Variants in APAF1 observed in about 807,000 individuals in gnomAD.
The protein encoded by APAF1 is apoptotic peptidase activating factor 1, also known as apoptotic protease-activating factor 1.
In APAF1, 91 loss-of-function variants were observed where a neutral mutation model predicts 152.4. The observed-to-expected ratio is 0.60, with a 90% CI of 0.50 to 0.71. The LOEUF (loss-of-function observed/expected upper bound fraction) is 0.71, where lower values mean the gene tolerates loss of function less well. Ranked by LOEUF, APAF1 falls within the 30% of genes least tolerant of loss-of-function variation. The probability of loss-of-function intolerance (pLI) is 0.00; values close to 1 mark genes in which losing one functional copy is unlikely to be tolerated. For synonymous variants in APAF1, 484 were observed against 494.1 expected (o/e 0.98, Z 0.27); for missense variants, 1,283 against 1,472.0 (o/e 0.87, Z 2.10).
intron 12 of APAF1, among the ~76,000 whole-genome samples, chr12:98,675,279 T>C (rs1159829158): frequency 2.6e-5 from 4 of 152,192 alleles, no homozygotes; most frequent in Non-Finnish European, 4.4e-5. Flanking sequence ...TCTAGTACTT[T>C]TGGGCCATCT....
intron 18 of APAF1, among the ~76,000 whole-genome samples, chr12:98,704,750 G>A (rs959930554): frequency 6.6e-6 from 1 of 152,064 alleles, no homozygotes; most frequent in Admixed American, 6.6e-5. Flanking sequence ...GTTTTGTTGG[G>A]CAGAGACTTT....
At chr12:98,699,096 T>C (rs1332200445) in intron 16 of APAF1, among the ~76,000 whole-genome samples, 1 of 152,236 alleles carries the variant, frequency 6.6e-6, no homozygotes, top group East Asian at 1.9e-4. Flanking sequence ...CTCTTCATCT[T>C]ACCACCTTTC....
At chr12:98,683,022 C>G (rs1003790484) in intron 14 of APAF1, 121 bp from the exon 15 acceptor site, 2 of 794,282 alleles carry the variant, frequency 2.5e-6, no homozygotes, top group African/African-American at 1.7e-5. Flanking sequence ...TCTTGTCCAA[C>G]TAGGAAAATC....
intron 16 of APAF1, among the ~76,000 whole-genome samples, chr12:98,689,358 T>A (rs996648728): frequency 2.0e-5 from 3 of 152,164 alleles, no homozygotes; most frequent in African/African-American, 7.2e-5. Flanking sequence ...TTTCTTAGGA[T>A]GTTTTTTGCC....
chr12:98,723,398 C>T, intron 23 of APAF1, 86 bp downstream of exon 23: 2 of 1,431,136 alleles, frequency 1.4e-6, no homozygotes, highest in African/African-American at 1.4e-5. Flanking sequence ...CACTGTGAGG[C>T]TAATTACTTA....
chr12:98,732,455 C>A lies in APAF1; in HGVS notation c.3636C>A (p.Thr1212=). 6.2e-7 allele frequency: 1 copy of A among 1,612,880 alleles called. No homozygotes were observed. Among genetic ancestry groups the A allele is most frequent in the South Asian group, 1.1e-5 (1 of 91,056 alleles). Residue 1212 remains threonine, a synonymous_variant, in exon 27 of 27, where the codon ACC becomes ACA. Transcript: ENST00000551964. ...TTGTCACTGGGGAATCCTCACAGAC[C>A]TTCTACACAAATGGAACCAATCTTA... ...WNVVTGESSQ[T]FYTNGTNLKK...
Position 98,665,698 on chromosome 12 carries a change from C to T in APAF1, c.1101C>T (p.Ala367=). Residue 367 remains alanine, a synonymous_variant, in exon 8 of 27, where the codon GCC becomes GCT. Coordinates refer to ENST00000551964, the MANE Select transcript of APAF1 (RefSeq NM_181861.2). ...ATGATTATGAGGCTCTAGATGAAGC[C>T]ATGTCTATAAGTGTTGAAATGCTCA... ...SSYDYEALDE[A]MSISVEMLRE... 6.2e-7 allele frequency: 1 copy of T among 1,613,886 alleles called. No individual in the cohort carries two copies. Among genetic ancestry groups the T allele is most frequent in the Non-Finnish European group, 8.5e-7 (1 of 1,179,906 alleles).
intron 16 of APAF1, 95 bp from the exon 17 acceptor site, chr12:98,699,313 G>A (rs2097712813): frequency 8.1e-7 from 1 of 1,237,322 alleles, no homozygotes; most frequent in Non-Finnish European, 1.1e-6. Context: ...CAAGTGAAGT[G>A]AATAAGTTTA....
intron 4 of APAF1, among the ~76,000 whole-genome samples, chr12:98,650,328 CA>C (rs1026036548): frequency 2.0e-5 from 3 of 151,282 alleles, no homozygotes; most frequent in African/African-American, 7.3e-5. Context: ...ACCAAAAATA[CA>C]AAAAAAATCA....
rs77127123 is a variant in APAF1, at chr12:98,715,542, C to G, written c.3074C>G (p.Ala1025Gly). 1 of 1,613,462 alleles carries G rather than the reference C, an allele frequency of 6.2e-7. No individual in the cohort carries two copies. Among genetic ancestry groups the G allele is most frequent in the Middle Eastern group, 1.7e-4 (1 of 6,060 alleles). ...EKTLISSSDD[A>G]EIQVWNWQLD... ...ACTCTTATTTCAAGTTCTGATGATG[C>G]TGAAATTCAGGTGAGAGGGAGGATG... Residue 1025 changes from alanine to glycine, a missense_variant, in exon 22 of 27, where the codon GCT becomes GGT. Physicochemically the swap from Ala to Gly is moderately conservative, Grantham distance 60. Transcript: ENST00000551964.
intron 22 of APAF1, 21 bp from the exon 23 acceptor site, chr12:98,723,172 A>T: frequency 4.3e-6 from 7 of 1,611,718 alleles, no homozygotes; most frequent in Non-Finnish European, 5.1e-6. Flanking sequence ...ATTATAACAG[A>T]CTTATTTCTT....
chr12:98,687,971 C>T (rs2097699787), intron 16 of APAF1, among the ~76,000 whole-genome samples: 1 of 152,122 alleles, frequency 6.6e-6, no homozygotes, highest in Admixed American at 6.5e-5. Flanking sequence ...GCCACCAAGC[C>T]TGGCTAATTT....
chr12:98,681,213 C>A (rs965007937), intron 14 of APAF1, among the ~76,000 whole-genome samples: 3 of 152,002 alleles, frequency 2.0e-5, no homozygotes, highest in African/African-American at 7.3e-5. Context: ...AGGTGTGCAC[C>A]ACCATGCCCA....
intron 1 of APAF1, among the ~76,000 whole-genome samples, chr12:98,647,244 C>T (rs1225887583): frequency 2.7e-5 from 4 of 146,950 alleles, no homozygotes; most frequent in Admixed American, 2.0e-4. Flanking sequence ...GGTGAAACCC[C>T]GTCTGTACTA....
intron 16 of APAF1, among the ~76,000 whole-genome samples, chr12:98,691,703 A>G (rs1354739358): frequency 6.6e-6 from 1 of 152,078 alleles, no homozygotes; most frequent in Non-Finnish European, 1.5e-5. Flanking sequence ...CAAACCCCCA[A>G]TGACCACCTA....
At chr12:98,712,512 C>T (rs2097729114) in intron 21 of APAF1, 77 bp downstream of exon 21, 1 of 877,930 alleles carries the variant, frequency 1.1e-6, no homozygotes, top group Non-Finnish European at 1.9e-6. Context: ...TTGTGCACTT[C>T]TATTTTTATT....
At chr12:98,649,361 AT>A (rs1307681286) in intron 3 of APAF1, 125 bp from the exon 4 acceptor site, 1 of 1,349,124 alleles carries the variant, frequency 7.4e-7, no homozygotes, top group Non-Finnish European at 1.0e-6. Flanking sequence ...TGCTAGCCAC[AT>A]TTTCTTAACT....
At chr12:98,706,661 ACCT>A (rs754271606) in intron 19 of APAF1, 51 bp downstream of exon 19, 1 of 1,607,572 alleles carries the variant, frequency 6.2e-7, no homozygotes, top group Admixed American at 1.7e-5. Context: ...GGTGAGCTAA[ACCT>A]CCTACAAACT....
At chr12:98,702,841 C>CAAAAAAAAAAAAAAAAAAAAAA (rs201068873) in intron 17 of APAF1, among the ~76,000 whole-genome samples, 1 of 81,136 alleles carries the variant, frequency 1.2e-5, no homozygotes, top group Non-Finnish European at 2.8e-5. Context: ...AAGTCTGTCT[C>CAAAAAAAAAAAAAAAAAAAAAA]AAAAAAAAAA....
Sources: gnomAD v4.1 joint callset for allele counts (sites outside exome capture counted in the v4.1 genomes callset) on GRCh38, gnomAD v4.1.1 for gene constraint, MANE v1.5 for transcripts, NCBI Gene and HGNC (gene_info 2026-07-23, HGNC 2026-07-21) for gene names.